Variants in GALNT18 observed in about 807,000 individuals in gnomAD.
GALNT18 encodes polypeptide N-acetylgalactosaminyltransferase 18, also known as GalNAc-transferase 18.
In GALNT18, 44 loss-of-function variants were observed where a neutral mutation model predicts 69.5. The ratio of observed to expected loss-of-function variants is 0.63; its 90% CI spans 0.50 to 0.81. The LOEUF is 0.81. Among genes scored for constraint, GALNT18 ranks in the 40% least tolerant of loss-of-function variants. The pLI, the probability that GALNT18 is intolerant of heterozygous loss-of-function variation, is 0.00. For synonymous variants in GALNT18, 364 were observed against 318.2 expected (o/e 1.14, Z -1.53); for missense variants, 715 against 810.0 (o/e 0.88, Z 1.42).
intron 3 of GALNT18, among the ~76,000 whole-genome samples, chr11:11,419,854 G>A (rs973221167): frequency 6.6e-6 from 1 of 152,036 alleles, no homozygotes; most frequent in African/African-American, 2.4e-5. Context: ...GGCACAGTCT[G>A]CATCTGTGCC....
intron 1 of GALNT18, among the ~76,000 whole-genome samples, chr11:11,490,227 T>TAACACACACACACACA (rs879361945): frequency 1.3e-5 from 1 of 74,394 alleles, no homozygotes; most frequent in Non-Finnish European, 2.7e-5. Context: ...TCTCTCTCTC[T>TAACACACACACACACA]CTCTCTAACA....
chr11:11,375,610 C>G (rs1156281853), intron 5 of GALNT18, among the ~76,000 whole-genome samples: 4 of 152,226 alleles, frequency 2.6e-5, no homozygotes, highest in South Asian at 4.1e-4. Context: ...GATCCTGGCT[C>G]TACCGCCCAG....
intron 1 of GALNT18, among the ~76,000 whole-genome samples, chr11:11,485,304 T>A (rs1856620253): frequency 6.6e-6 from 1 of 152,212 alleles, no homozygotes; most frequent in Non-Finnish European, 1.5e-5. Flanking sequence ...AGCAGGTGGT[T>A]ACCTATCCTT....
chr11:11,503,867 C>G lies in GALNT18; in HGVS notation c.236-54931G>C, dbSNP rs533265989. On this transcript the variant is annotated intron_variant, in intron 1 of 10. Transcript: ENST00000227756. Reference sequence around the variant, plus strand: ...GTTTAGCACCCCCATACAGCAATCTCCCTGGTCAAATCATTGCCAGCAGTG... The same window carrying G: ...GTTTAGCACCCCCATACAGCAATCTGCCTGGTCAAATCATTGCCAGCAGTG... 2.6e-5 allele frequency among the ~76,000 whole-genome samples: 4 copies of G among 152,294 alleles called. No individual in the cohort carries two copies. In the East Asian group the frequency reaches 7.7e-4, roughly 29 times the overall value.
At chr11:11,485,041 T>C (rs1304206201) in intron 1 of GALNT18, among the ~76,000 whole-genome samples, 5 of 152,208 alleles carry the variant, frequency 3.3e-5, no homozygotes, top group Non-Finnish European at 1.5e-5. Context: ...TGACATGTGA[T>C]CATCATGCCA....
At chr11:11,424,388 G>C (rs534714958) in intron 3 of GALNT18, among the ~76,000 whole-genome samples, 1 of 152,306 alleles carries the variant, frequency 6.6e-6, no homozygotes, top group African/African-American at 2.4e-5. Flanking sequence ...TTGAATTCCT[G>C]TCCTAGCACT....
chr11:11,310,184 C>T (rs1363577730), intron 9 of GALNT18, among the ~76,000 whole-genome samples: 1 of 152,198 alleles, frequency 6.6e-6, no homozygotes, highest in Non-Finnish European at 1.5e-5. Flanking sequence ...CCAAGGCACG[C>T]ATTATGAGGG....
Position 11,541,885 on chromosome 11 carries a change from G to T in GALNT18, c.235+79474C>A, listed in dbSNP as rs964961396. Reference sequence around the variant, plus strand: ...CCCTCAGCCTGGCCACCCTTCCAGAGAGCTGTCCTGACACACCTCGCTGGC... The same window carrying T: ...CCCTCAGCCTGGCCACCCTTCCAGATAGCTGTCCTGACACACCTCGCTGGC... On this transcript the variant is annotated intron_variant, in intron 1 of 10. Coordinates refer to ENST00000227756, the MANE Select transcript of GALNT18 (RefSeq NM_198516.3). This position sits in a 1 kb window ranked among gnomAD's most constrained non-coding sequence, Gnocchi z 4.8. Among the ~76,000 whole-genome samples, 2 of 152,014 alleles carry T rather than the reference G, an allele frequency of 1.3e-5. No individual in the cohort carries two copies. Among genetic ancestry groups the T allele is most frequent in the African/African-American group, 2.4e-5 (1 of 41,386 alleles).
rs1854495662 is a variant in GALNT18 at position 11,402,743 on chromosome 11, T to C, written c.596-23479A>G. ...CTAAAGTGTGGCATTTTAATGCACC[T>C]GCCTTGCAGCTGCGGGTAAGAACAG... On this transcript the variant is annotated intron_variant, in intron 3 of 10. Coordinates refer to ENST00000227756, the MANE Select transcript of GALNT18 (RefSeq NM_198516.3). The surrounding 1 kb of genome is among the most constrained non-coding windows in gnomAD (Gnocchi z 4.0). Among the ~76,000 whole-genome samples the C allele has an allele frequency of 6.6e-6, 1 of 152,238 alleles. No individual in the cohort carries two copies. The highest frequency in any genetic ancestry group is 6.5e-5 in the Admixed American group (1 of 15,280).
intron 3 of GALNT18, among the ~76,000 whole-genome samples, chr11:11,406,842 G>A (rs552084748): frequency 6.6e-6 from 1 of 152,332 alleles, no homozygotes; most frequent in African/African-American, 2.4e-5. Flanking sequence ...GCCAGTGGAT[G>A]TTCCCATCCC....
intron 1 of GALNT18, among the ~76,000 whole-genome samples, chr11:11,483,333 T>C (rs914123513): frequency 1.3e-5 from 2 of 152,198 alleles, no homozygotes; most frequent in African/African-American, 4.8e-5. Context: ...GAGTCTATGC[T>C]ATGACTCTGT....
chr11:11,481,171 G>A (rs1233129657), intron 1 of GALNT18, among the ~76,000 whole-genome samples: 1 of 152,180 alleles, frequency 6.6e-6, no homozygotes, highest in African/African-American at 2.4e-5. Flanking sequence ...GAGAGCAGCT[G>A]AGCCACCCAA....
In GALNT18 at chr11:11,523,652, G is replaced by T. The variant is rs1338411448; in HGVS notation, c.236-74716C>A. On this transcript the variant is annotated intron_variant, in intron 1 of 10. Transcript: ENST00000227756. The surrounding 1 kb of genome is among the most constrained non-coding windows in gnomAD (Gnocchi z 4.3). ...GAGAATGGTGAGAACCCGGGAGGAA[G>T]AGGTTGCAGTGAGCCGAGATCGCAC... 6.6e-6 allele frequency among the ~76,000 whole-genome samples: 1 copy of T among 151,616 alleles called. No individual in the cohort carries two copies. Among genetic ancestry groups the T allele is most frequent in the African/African-American group, 2.4e-5 (1 of 41,212 alleles).
Position 11,309,824 on chromosome 11 carries a change from T to C in GALNT18, c.1513-16631A>G, listed in dbSNP as rs1421935491. Among the ~76,000 whole-genome samples the C allele has an allele frequency of 6.6e-6, 1 of 152,160 alleles. No homozygotes were observed. Among genetic ancestry groups the C allele is most frequent in the Non-Finnish European group, 1.5e-5 (1 of 68,030 alleles). On this transcript the variant is annotated intron_variant, in intron 9 of 10. Transcript: ENST00000227756. This position sits in a 1 kb window ranked among gnomAD's most constrained non-coding sequence, Gnocchi z 4.6. ...AGTTGCAAGACAGCCTGCAAACTTG[T>C]TCCTCCTGGGCCTCAGCAGAAGTTC...
chr11:11,388,277 C>T (rs760559844), intron 3 of GALNT18, among the ~76,000 whole-genome samples: 1 of 152,092 alleles, frequency 6.6e-6, no homozygotes, highest in African/African-American at 2.4e-5. Flanking sequence ...GCGGGGTCGC[C>T]AAAGCCAGGC....
rs1857845748 is a variant in GALNT18, at chr11:11,538,934, C to T, written c.235+82425G>A. On this transcript the variant is annotated intron_variant, in intron 1 of 10. Coordinates refer to ENST00000227756, the MANE Select transcript of GALNT18 (RefSeq NM_198516.3). This position sits in a 1 kb window ranked among gnomAD's most constrained non-coding sequence, Gnocchi z 5.2. ...GTCAACAGAGGTGCCCCCCAGATCCCTGGGTGCCGTGGGCCTCCCTTTTCA... is the reference window on the plus strand; with the variant it reads ...GTCAACAGAGGTGCCCCCCAGATCCTTGGGTGCCGTGGGCCTCCCTTTTCA... Among the ~76,000 whole-genome samples the T allele has an allele frequency of 6.6e-6, 1 of 152,200 alleles. No homozygotes were observed. The highest frequency in any genetic ancestry group is 1.5e-5 in the Non-Finnish European group (1 of 68,032).
intron 9 of GALNT18, among the ~76,000 whole-genome samples, chr11:11,305,761 C>T (rs4399320): frequency 0.63 from 96,154 of 152,050 alleles, 30,928 homozygotes; most frequent in Admixed American, 0.76. Context: ...CCCTTTAGAT[C>T]CCAAGTTCCC....
At chr11:11,571,160 CA>C (rs1395002946) in intron 1 of GALNT18, among the ~76,000 whole-genome samples, 3 of 152,292 alleles carry the variant, frequency 2.0e-5, no homozygotes, top group African/African-American at 7.2e-5. Context: ...TGAAAAAAAT[CA>C]AGGCTTAAGA....
chr11:11,275,135 G>GT (rs1346262141), intron 10 of GALNT18, among the ~76,000 whole-genome samples: 1 of 152,204 alleles, frequency 6.6e-6, no homozygotes, highest in African/African-American at 2.4e-5. Flanking sequence ...CTTCCACAAT[G>GT]GTTGAACTAA....
Sources: gnomAD v4.1 joint callset for allele counts (sites outside exome capture counted in the v4.1 genomes callset) on GRCh38, gnomAD v4.1.1 for gene constraint, Gnocchi (gnomAD v3.1) non-coding constraint, MANE v1.5 for transcripts, NCBI Gene and HGNC (gene_info 2026-07-23, HGNC 2026-07-21) for gene names.